The following CTRL variants were observed in gnomAD, a reference collection of about 807,000 sequenced individuals.
The protein encoded by CTRL is chymotrypsin-like protease CTRL-1.
CTRL carries 38 observed loss-of-function variants against 35.5 expected under a neutral mutation model. That is an observed-to-expected ratio of 1.07 (90% CI 0.83 to 1.40). The LOEUF (loss-of-function observed/expected upper bound fraction) is 1.40. Ranked by LOEUF, CTRL falls within the 40% of genes most tolerant of loss-of-function variation. The pLI is 0.00. For synonymous variants in CTRL, 155 were observed against 141.1 expected (o/e 1.10, Z -0.70); for missense variants, 327 against 342.9 (o/e 0.95, Z 0.37).
At position 67,930,002 on chromosome 16, in the gene CTRL, C is replaced by A. The variant is rs144794688; in HGVS notation, c.727G>T (p.Ala243Ser). ...CTAACTCGAGTATACACAGCAGGTG[C>A]GCGCACATTGCAGTTTTTGGTGCCC... ...SWGTKNCNVR[A>S]PAVYTRVSKF... is the part of the protein sequence containing the mutation. The change falls in exon 7 of 7, where the codon GCA becomes TCA. Residue 243 changes from alanine (A) to serine (S), a missense_variant. Coordinates refer to ENST00000574481, the MANE Select transcript of CTRL (RefSeq NM_001907.3). The surrounding 1 kb of genome is among the most constrained non-coding windows in gnomAD (Gnocchi z 4.3). The A allele has an allele frequency of 6.2e-7, 1 of 1,614,098 alleles. No individual in the cohort carries two copies. The highest frequency in any genetic ancestry group is 1.7e-5 in the Admixed American group (1 of 60,020).
intron 1 of CTRL, 197 bp from the exon 2 acceptor site, chr16:67,931,398 G>A: frequency 1.6e-6 from 1 of 622,248 alleles, no homozygotes; most frequent in Non-Finnish European, 2.9e-6. Context: ...CAGTCCCCCA[G>A]CCCTGCTGTT....
At chr16:67,931,518 C>A in intron 1 of CTRL, 3 of 585,516 alleles carry the variant, frequency 5.1e-6, no homozygotes, top group Non-Finnish European at 9.1e-6. Context: ...CCAGAAGGTT[C>A]TTTCTAAAAG....
Position 67,929,892 on chromosome 16 carries a change from T to C in CTRL, c.*42A>G, listed in dbSNP as rs2058232137. 1 of 1,599,120 alleles carries C rather than the reference T, an allele frequency of 6.3e-7. No homozygotes were observed. The highest frequency in any genetic ancestry group is 8.6e-7 in the Non-Finnish European group (1 of 1,168,332). On this transcript the variant is annotated 3_prime_UTR_variant, in exon 7 of 7. Coordinates refer to ENST00000574481, the MANE Select transcript of CTRL (RefSeq NM_001907.3). ...CATGAATGCATGATGGGACAGGGCC[T>C]GGGTCTTTAATGGGTTGAGCTGGGG...
Position 67,930,138 on chromosome 16 carries a change from G to T in CTRL, c.634-43C>A. The T allele has an allele frequency of 1.9e-6, 3 of 1,613,738 alleles. No homozygotes were observed. The highest frequency in any genetic ancestry group is 2.5e-6 in the Non-Finnish European group (3 of 1,179,720). Reference sequence around the variant, plus strand: ...GGGAGAATTGAGTAGGGGGGGTTGGGGAGGTATACCACAGGACAGCGCAGA... The same window carrying T: ...GGGAGAATTGAGTAGGGGGGGTTGGTGAGGTATACCACAGGACAGCGCAGA... On this transcript the variant is annotated intron_variant, in intron 6 of 6. Transcript: ENST00000574481. This position sits in a 1 kb window ranked among gnomAD's most constrained non-coding sequence, Gnocchi z 4.3.
chr16:67,931,838 G>A lies in CTRL; in HGVS notation c.15C>T (p.Ser5=). 6.4e-7 allele frequency: 1 copy of A among 1,572,730 alleles called. No individual in the cohort carries two copies. The highest frequency in any genetic ancestry group is 8.6e-7 in the Non-Finnish European group (1 of 1,159,154). ...CGAGGAGAACCAGGCTTAGGGTCAG[G>A]CTGAGCAGCAACATCGTGGCAGATG... MLLL[S]LTLSLVLLGS... is the part of the protein sequence containing the mutation. The change falls in exon 1 of 7, where the codon AGC becomes AGT. Residue 5 remains serine, a synonymous_variant. Coordinates refer to ENST00000574481, the MANE Select transcript of CTRL (RefSeq NM_001907.3).
In CTRL at chr16:67,930,079, G is replaced by A. The variant is rs372848843; in HGVS notation, c.650C>T (p.Pro217Leu). 4 of 1,614,068 alleles carry A rather than the reference G, an allele frequency of 2.5e-6. No homozygotes were observed. Among genetic ancestry groups the A allele is most frequent in the Middle Eastern group, 1.6e-4 (1 of 6,084 alleles). Residue 217 changes from proline to leucine, a missense_variant, in exon 7 of 7, where the codon CCT (proline) becomes CTT (leucine). Transcript: ENST00000574481. The surrounding 1 kb of genome is among the most constrained non-coding windows in gnomAD (Gnocchi z 4.3). ...ASSCQGDSGGPLVCQKGNTWV... is the reference protein window; with the variant it reads ...ASSCQGDSGGLLVCQKGNTWV... ...TGTGTTTCCCTTCTGGCAGACAAGA[G>A]GGCCTCCGGAGTCACCCTGAGAGGG...
chr16:67,929,733 C>T lies in CTRL; in HGVS notation c.*201G>A. 1 of 602,956 alleles carries T rather than the reference C, an allele frequency of 1.7e-6. No homozygotes were observed. The highest frequency in any genetic ancestry group is 2.8e-6 in the Non-Finnish European group (1 of 353,908). 37.4% of individuals were successfully genotyped at this position (602,956 alleles called of 1,614,324 possible). On this transcript the variant is annotated 3_prime_UTR_variant, in exon 7 of 7. Coordinates refer to ENST00000574481, the MANE Select transcript of CTRL (RefSeq NM_001907.3). The stretch of plus-strand genomic sequence containing the variant: ...GTTGCCCTGGAGGAGGGGTGGGGGC[C>T]CCGGCCTCGGCATGGCTACTCTAGG...
rs565808013 is a variant in CTRL at position 67,931,318 on chromosome 16, A to C, written c.53-117T>G. ...AGGTCTGTCGAGAGGGTACAGCACT[A>C]CCCCTTCCCCAACAGGGTACATGCA... On this transcript the variant is annotated intron_variant, in intron 1 of 6. Transcript: ENST00000574481. 235 of 945,968 alleles carry C rather than the reference A, an allele frequency of 2.5e-4. 1 individual carries two copies. The South Asian group carries it at 3.2e-3, about 13-fold the overall frequency. 58.6% of individuals were successfully genotyped at this position (945,968 alleles called of 1,614,324 possible).
intron 1 of CTRL, 135 bp from the exon 2 acceptor site, chr16:67,931,336 T>C: frequency 1.3e-6 from 1 of 794,200 alleles, no homozygotes; most frequent in Non-Finnish European, 2.1e-6. Flanking sequence ...CCCAACAGGG[T>C]ACATGCAAGC....
In CTRL at chr16:67,930,315, T is replaced by C. The variant is rs1250614168; in HGVS notation, c.503A>G (p.Asn168Ser). Reference sequence around the variant, plus strand: ...CTGCTGCAGATGTGCTGGTGTCACATTGCCTGTGGGCCAGGAGGGGTGGTC... The same window carrying C: ...CTGCTGCAGATGTGCTGGTGTCACACTGCCTGTGGGCCAGGAGGGGTGGTC... ...TGWGRLSGVG[N>S]VTPAHLQQVA... The change falls in exon 6 of 7, where the codon AAT becomes AGT. Residue 168 changes from asparagine to serine, a missense_variant. Coordinates refer to ENST00000574481, the MANE Select transcript of CTRL (RefSeq NM_001907.3). The surrounding 1 kb of genome is among the most constrained non-coding windows in gnomAD (Gnocchi z 4.3). 2 of 1,613,914 alleles carry C rather than the reference T, an allele frequency of 1.2e-6. No individual in the cohort carries two copies. The highest frequency in any genetic ancestry group is 1.7e-5 in the Admixed American group (1 of 60,012).
chr16:67,930,493 C>A lies in CTRL; in HGVS notation c.414G>T (p.Ser138=). The stretch of plus-strand genomic sequence containing the variant: ...CGTTTGAGGATGCCAGGCAAACTGG[C>A]GAGATGCGTGTTGTGTACTGGGCTG... ...ASPAQYTTRI[S]PVCLASSNEA... Residue 138 remains serine, a synonymous_variant, in exon 5 of 7, where the codon TCG becomes TCT. Transcript: ENST00000574481. This position sits in a 1 kb window ranked among gnomAD's most constrained non-coding sequence, Gnocchi z 4.3. 1.2e-6 allele frequency: 2 copies of A among 1,614,124 alleles called. No individual in the cohort carries two copies. Among genetic ancestry groups the A allele is most frequent in the Non-Finnish European group, 1.7e-6 (2 of 1,180,032 alleles).
chr16:67,930,734 C>CG lies in CTRL; in HGVS notation c.309dup (p.Val104ArgfsTer9), dbSNP rs1283139975. On this transcript the variant is annotated frameshift_variant, in exon 4 of 7. Coordinates refer to ENST00000574481, the MANE Select transcript of CTRL (RefSeq NM_001907.3). LOFTEE classifies it high-confidence loss of function. This position sits in a 1 kb window ranked among gnomAD's most constrained non-coding sequence, Gnocchi z 4.3. ...GCAGCCCAGGCACTCACCCGAGAGA[C>CG]GGACAGAACCTGCAAGGGCTCTGCG... The CG allele has an allele frequency of 5.0e-6, 8 of 1,613,886 alleles. No individual in the cohort carries two copies. The highest frequency in any genetic ancestry group is 6.8e-6 in the Non-Finnish European group (8 of 1,179,934).
In CTRL at chr16:67,929,752, C is replaced by T. The variant is rs117767794; in HGVS notation, c.*182G>A. 0.02 allele frequency: 13,769 copies of T among 693,808 alleles called. 181 individuals carry two copies. Among genetic ancestry groups the T allele is most frequent in the Non-Finnish European group, 0.026 (11,092 of 424,512 alleles). The allele number at this position is 693,808 out of a possible 1,614,324, so 43.0% of individuals were successfully genotyped here. On this transcript the variant is annotated 3_prime_UTR_variant, in exon 7 of 7. Coordinates refer to ENST00000574481, the MANE Select transcript of CTRL (RefSeq NM_001907.3). The stretch of plus-strand genomic sequence containing the variant: ...GGGGGCCCCGGCCTCGGCATGGCTA[C>T]TCTAGGAAGAGCCACTGCTACTCAA...
chr16:67,931,148 T>A lies in CTRL; in HGVS notation c.106A>T (p.Asn36Tyr). ...GAGCCCAACACTGCATTCTCCCCGT[T>A]GACAATCCTCTGGCTGAAGCTCAGT... ...PALSFSQRIV[N>Y]GENAVLGSWP... The change falls in exon 2 of 7, where the codon AAC becomes TAC. Residue 36 changes from asparagine to tyrosine, a missense_variant. Asn to Tyr is a moderately radical substitution (Grantham distance 143). Transcript: ENST00000574481. 6.2e-7 allele frequency: 1 copy of A among 1,614,134 alleles called. No homozygotes were observed. The highest frequency in any genetic ancestry group is 1.3e-5 in the African/African-American group (1 of 75,058).
In CTRL at chr16:67,931,719, C is replaced by A. The variant is rs2058242286; in HGVS notation, c.52+82G>T. On this transcript the variant is annotated intron_variant, in intron 1 of 6. Transcript: ENST00000574481. ...CTCTGTCCACCTTCGTCCCTTCCAG[C>A]CAGCCTAGCTCCTTCCCTGGGCTGT... 8.1e-6 allele frequency: 12 copies of A among 1,490,548 alleles called. No individual in the cohort carries two copies. The South Asian group carries it at 1.3e-4, about 17-fold the overall frequency. 92.3% of individuals were successfully genotyped at this position (1,490,548 alleles called of 1,614,324 possible).
rs201253264 is a variant in CTRL, at chr16:67,930,887, G to A, written c.236+33C>T. 359 of 1,612,468 alleles carry A rather than the reference G, an allele frequency of 2.2e-4. 1 individual carries two copies. The highest frequency in any genetic ancestry group is 1.3e-3 in the South Asian group (118 of 91,058). ...GCCAGGGGAGGAGGCAGGAAGAGGC[G>A]AGGGGCGGGGCAGGTGGAATGCAGG... On this transcript the variant is annotated intron_variant, in intron 3 of 6. Coordinates refer to ENST00000574481, the MANE Select transcript of CTRL (RefSeq NM_001907.3). This position sits in a 1 kb window ranked among gnomAD's most constrained non-coding sequence, Gnocchi z 4.3.
Position 67,930,952 on chromosome 16 carries a change from G to C in CTRL, c.204C>G (p.Ser68=). 6.2e-7 allele frequency: 1 copy of C among 1,613,846 alleles called. No individual in the cohort carries two copies. The highest frequency in any genetic ancestry group is 2.2e-5 in the East Asian group (1 of 44,874). Residue 68 remains serine, a synonymous_variant, in exon 3 of 7, where the codon TCC becomes TCG. Transcript: ENST00000574481. The surrounding 1 kb of genome is among the most constrained non-coding windows in gnomAD (Gnocchi z 4.3). ...HFCGGSLISQ[S]WVVTAAHCNV... The stretch of plus-strand genomic sequence containing the variant: ...TGCAGTGGGCAGCAGTGACCACCCA[G>C]GACTGGCTGATGAGAGAACCACCGC...
rs774504385 is a variant in CTRL, at chr16:67,930,041, C to T, written c.688G>A (p.Gly230Ser). Residue 230 changes from glycine to serine, a missense_variant, in exon 7 of 7, where the codon GGT (glycine) becomes AGT (serine). Coordinates refer to ENST00000574481, the MANE Select transcript of CTRL (RefSeq NM_001907.3). The surrounding 1 kb of genome is among the most constrained non-coding windows in gnomAD (Gnocchi z 4.3). Reference protein sequence around the residue: ...CQKGNTWVLIGIVSWGTKNCN... With the variant: ...CQKGNTWVLISIVSWGTKNCN... The stretch of plus-strand genomic sequence containing the variant: ...TTTTTGGTGCCCCAGGAGACAATAC[C>T]AATAAGCACCCATGTGTTTCCCTTC... 1.8e-4 allele frequency: 283 copies of T among 1,614,008 alleles called. No individual in the cohort carries two copies. Among genetic ancestry groups the T allele is most frequent in the Middle Eastern group, 1.3e-3 (8 of 6,084 alleles).
chr16:67,929,601 G>T lies in CTRL; in HGVS notation c.*333C>A. The stretch of plus-strand genomic sequence containing the variant: ...GAGAATGTGCAGTTATTTATTATGC[G>T]TATTCAGTTTGTAAACGTATCCTCT... On this transcript the variant is annotated 3_prime_UTR_variant, in exon 7 of 7. Coordinates refer to ENST00000574481, the MANE Select transcript of CTRL (RefSeq NM_001907.3). 1 of 298,752 alleles carries T rather than the reference G, an allele frequency of 3.3e-6. No individual in the cohort carries two copies. The highest frequency in any genetic ancestry group is 6.4e-6 in the Non-Finnish European group (1 of 156,274). 18.5% of individuals were successfully genotyped at this position (298,752 alleles called of 1,614,324 possible).
Sources: allele counts gnomAD v4.1 joint callset, GRCh38; gene constraint gnomAD v4.1.1; non-coding constraint Gnocchi (gnomAD v3.1); transcripts MANE v1.5; gene names NCBI Gene and HGNC (gene_info 2026-07-23, HGNC 2026-07-21).